Variants in USP48 observed in about 807,000 individuals in gnomAD.
USP48 encodes ubiquitin carboxyl-terminal hydrolase 48.
Under a neutral mutation model 150.7 loss-of-function variants are expected in USP48, and 43 were observed. That is an observed-to-expected ratio of 0.29 (90% confidence interval 0.22 to 0.37). USP48 has a LOEUF of 0.37. Among genes scored for constraint, USP48 ranks in the 10% least tolerant of loss-of-function variants. The pLI is 1.00. For synonymous variants in USP48, 396 were observed against 425.9 expected (o/e 0.93, Z 0.86); for missense variants, 813 against 1,249.6 (o/e 0.65, Z 5.27).
intron 9 of USP48, among the ~76,000 whole-genome samples, chr1:21,734,895 T>G (rs886407685): frequency 2.6e-5 from 4 of 152,202 alleles, no homozygotes; most frequent in Admixed American, 2.6e-4. Flanking sequence ...AATGGGTACT[T>G]AGGCCCAAGA....
chr1:21,783,025 C>G lies in USP48; in HGVS notation c.-68G>C. ...CCGCCGCCGCGGTCTGCACCGCCGCCCCAATGGGCTTCGCCACCTGCCAGC... is the reference window on the plus strand; with the variant it reads ...CCGCCGCCGCGGTCTGCACCGCCGCGCCAATGGGCTTCGCCACCTGCCAGC... On this transcript the variant is annotated 5_prime_UTR_variant, in exon 1 of 27. Transcript: ENST00000308271. 7.0e-7 allele frequency: 1 copy of G among 1,428,584 alleles called. No homozygotes were observed. The allele number at this position is 1,428,584 out of a possible 1,614,324, so 88.5% of individuals were successfully genotyped here.
chr1:21,715,483 T>G (rs1383429616), intron 14 of USP48, 26 bp from the exon 15 acceptor site: 3 of 1,444,196 alleles, frequency 2.1e-6, no homozygotes, highest in South Asian at 1.2e-5. Flanking sequence ...ACAAATGATA[T>G]CTGCTGTGGT....
intron 22 of USP48, among the ~76,000 whole-genome samples, chr1:21,699,994 G>C (rs1024654139): frequency 6.8e-6 from 1 of 147,232 alleles, no homozygotes; most frequent in Non-Finnish European, 1.5e-5. Flanking sequence ...GTCTGCAAAC[G>C]CTTGTGGAGA....
At chr1:21,747,411 T>C (rs796755348) in intron 7 of USP48, among the ~76,000 whole-genome samples, 15 of 152,348 alleles carry the variant, frequency 9.8e-5, no homozygotes, top group African/African-American at 3.4e-4. Flanking sequence ...CAGATTATCC[T>C]GCTTTACAGA....
chr1:21,686,714 G>C (rs918126223), intron 25 of USP48: 5 of 158,728 alleles, frequency 3.2e-5, no homozygotes, highest in Admixed American at 6.3e-5. Context: ...ATTTTTCCAA[G>C]TGTGGAAACA....
rs968023852 is a variant in USP48, at chr1:21,727,827, TAAA to T, written c.1450+740_1450+742del. The T allele has an allele frequency of 8.3e-6, 8 of 961,128 alleles. No homozygotes were observed. The African/African-American group carries it at 1.4e-4, about 17-fold the overall frequency. 59.5% of individuals were successfully genotyped at this position (961,128 alleles called of 1,614,324 possible). ...TACTAGTAATGGAAAATTAAGATAT[TAAA>T]AAGACAAACCACAAGTACAATTATG... On this transcript the variant is annotated intron_variant, in intron 11 of 26. Transcript: ENST00000308271.
intron 5 of USP48, among the ~76,000 whole-genome samples, chr1:21,752,319 C>T (rs543721680): frequency 6.6e-6 from 1 of 152,306 alleles, no homozygotes; most frequent in Admixed American, 6.5e-5. Context: ...AGAGCTCACC[C>T]AGACACCGTT....
chr1:21,683,525 C>T (rs951106745), intron 25 of USP48, among the ~76,000 whole-genome samples: 3 of 152,110 alleles, frequency 2.0e-5, no homozygotes, highest in Non-Finnish European at 4.4e-5. Context: ...TCTGAGACCA[C>T]AGGTGCGAGC....
At position 21,780,177 on chromosome 1, in the gene USP48, T is replaced by C. The variant is rs145856723; in HGVS notation, c.134+2647A>G. On this transcript the variant is annotated intron_variant, in intron 1 of 26. Transcript: ENST00000308271. ...ATCAAAATGTCCCTCAACTGATGAA[T>C]AGATATATAAAATGTGGTATTATCC... 5.9e-3 allele frequency among the ~76,000 whole-genome samples: 896 copies of C among 152,240 alleles called. 10 individuals are homozygous for C. Among genetic ancestry groups the C allele is most frequent in the African/African-American group, 0.019 (799 of 41,558 alleles).
intron 9 of USP48, among the ~76,000 whole-genome samples, chr1:21,735,146 C>T (rs1053527885): frequency 1.3e-5 from 2 of 152,210 alleles, no homozygotes; most frequent in Admixed American, 1.3e-4. Flanking sequence ...TACTATTCAT[C>T]ATCACTAACT....
At chr1:21,779,642 G>T (rs1471067624) in intron 1 of USP48, among the ~76,000 whole-genome samples, 1 of 151,858 alleles carries the variant, frequency 6.6e-6, no homozygotes, top group Non-Finnish European at 1.5e-5. Context: ...AAAAATAAAT[G>T]CCCACACAAA....
chr1:21,771,352 C>A (rs886385694), intron 1 of USP48, among the ~76,000 whole-genome samples: 1 of 145,360 alleles, frequency 6.9e-6, no homozygotes, highest in Non-Finnish European at 1.5e-5. Context: ...CTAGCCTGGG[C>A]GACAGAGCAA....
chr1:21,724,217 AT>A, intron 11 of USP48, 122 bp from the exon 12 acceptor site: 1 of 991,058 alleles, frequency 1.0e-6, no homozygotes, highest in Non-Finnish European at 1.5e-6. Context: ...CAGAAGAATC[AT>A]TGTCTGGGGG....
At chr1:21,761,896 G>A (rs954017856) in intron 1 of USP48, among the ~76,000 whole-genome samples, 1 of 152,216 alleles carries the variant, frequency 6.6e-6, no homozygotes, top group Non-Finnish European at 1.5e-5. Flanking sequence ...ATCCACTGTG[G>A]GGAGAAGAAG....
chr1:21,734,969 T>C (rs1458496947), intron 9 of USP48, among the ~76,000 whole-genome samples: 1 of 152,182 alleles, frequency 6.6e-6, no homozygotes, highest in Non-Finnish European at 1.5e-5. Context: ...ATGGCAGACC[T>C]CACTACTACA....
chr1:21,734,936 T>C (rs1394955655), intron 9 of USP48, among the ~76,000 whole-genome samples: 1 of 152,224 alleles, frequency 6.6e-6, no homozygotes, highest in Non-Finnish European at 1.5e-5. Flanking sequence ...CATACTAGGA[T>C]ACTATTTTAA....
chr1:21,730,734 T>C lies in USP48; in HGVS notation c.1172-902A>G, dbSNP rs1264608303. Among the ~76,000 whole-genome samples, 122 of 151,476 alleles carry C rather than the reference T, an allele frequency of 8.1e-4. 2 individuals are homozygous for C. On this transcript the variant is annotated intron_variant, in intron 9 of 26. Coordinates refer to ENST00000308271, the MANE Select transcript of USP48 (RefSeq NM_032236.8). ...ACTGATGCAATCACTAAAGGGAATA[T>C]GGGACTTCAACTCTACTGGAAATAT...
chr1:21,720,353 G>C (rs1275606118), intron 14 of USP48, among the ~76,000 whole-genome samples: 1 of 152,134 alleles, frequency 6.6e-6, no homozygotes, highest in Non-Finnish European at 1.5e-5. Context: ...AAGCATGATA[G>C]GTTATAAAGG....
chr1:21,728,179 G>A (rs1571880140), intron 11 of USP48: 2 of 993,822 alleles, frequency 2.0e-6, no homozygotes, highest in African/African-American at 1.7e-5. Flanking sequence ...TCATATAATA[G>A]AATGTCTGTT....
Sources: gnomAD v4.1 joint callset for allele counts (sites outside exome capture counted in the v4.1 genomes callset) on GRCh38, gnomAD v4.1.1 for gene constraint, MANE v1.5 for transcripts, NCBI Gene and HGNC (gene_info 2026-07-23, HGNC 2026-07-21) for gene names.